Variants in PAK1 observed in about 807,000 individuals in gnomAD.
PAK1 encodes p21 (RAC1) activated kinase 1, also known as serine/threonine-protein kinase PAK 1.
A neutral mutation model predicts 67.4 loss-of-function variants in PAK1; 29 were observed. That is an observed-to-expected ratio of 0.43 (90% confidence interval 0.32 to 0.59). The LOEUF is 0.59. PAK1 is among the 20% of genes least tolerant of loss of function. The pLI is 0.07. For synonymous variants in PAK1, 223 were observed against 237.4 expected, an observed-to-expected ratio of 0.94 and a Z score of 0.56; for missense variants, 337 against 670.7, an observed-to-expected ratio of 0.50 and a Z score of 5.50.
At chr11:77,456,202 G>C (rs965717250) in intron 1 of PAK1, among the ~76,000 whole-genome samples, 1 of 152,110 alleles carries the variant, frequency 6.6e-6, no homozygotes, top group East Asian at 1.9e-4. Context: ...CATACTAGAA[G>C]CTATAGGGAG....
At chr11:77,451,224 G>GA (rs1956838082) in intron 1 of PAK1, among the ~76,000 whole-genome samples, 1 of 152,174 alleles carries the variant, frequency 6.6e-6, no homozygotes, top group Admixed American at 6.5e-5. Flanking sequence ...GCAGACGCAA[G>GA]AAAGTATTCT....
the PAK1 span, among the ~76,000 whole-genome samples, chr11:77,493,161 G>A: frequency 2.6e-5 from 4 of 151,804 alleles, no homozygotes; most frequent in Non-Finnish European, 1.5e-5. Flanking sequence ...ATGGTGTCTC[G>A]CTCTGTTGCC....
At chr11:77,529,255 G>A in the PAK1 span, among the ~76,000 whole-genome samples, 2 of 152,034 alleles carry the variant, frequency 1.3e-5, no homozygotes, top group South Asian at 2.1e-4. Flanking sequence ...ACCTCATAAG[G>A]CCCATTTAGA....
At chr11:77,331,830 AAAATAAAACAT>A (rs1473618438) in intron 14 of PAK1, among the ~76,000 whole-genome samples, 3 of 151,166 alleles carry the variant, frequency 2.0e-5, no homozygotes, top group African/African-American at 7.4e-5. Context: ...AAAAGAAAGA[AAAATAAAACAT>A]AAATAAAATA....
At chr11:77,456,025 CA>C (rs1170563668) in intron 1 of PAK1, 1 of 152,094 alleles carries the variant, frequency 6.6e-6, no homozygotes, top group African/African-American at 2.4e-5. Flanking sequence ...CTCTTGCCAC[CA>C]AAGACTGCAC....
intron 5 of PAK1, among the ~76,000 whole-genome samples, chr11:77,367,028 C>G (rs1851362697): frequency 6.6e-6 from 1 of 152,162 alleles, no homozygotes; most frequent in Non-Finnish European, 1.5e-5. Context: ...AAATGAAATA[C>G]ACCATACTGA....
At chr11:77,342,085 C>T (rs528612703) in intron 10 of PAK1, among the ~76,000 whole-genome samples, 6 of 152,284 alleles carry the variant, frequency 3.9e-5, no homozygotes, top group African/African-American at 1.2e-4. Flanking sequence ...AAGGTGATTA[C>T]ATCATGAGGG....
intron 5 of PAK1, among the ~76,000 whole-genome samples, chr11:77,366,780 A>G (rs1947643674): frequency 6.6e-6 from 1 of 152,212 alleles, no homozygotes; most frequent in Non-Finnish European, 1.5e-5. Context: ...ACTGTGGAAA[A>G]AAGTCTGGCA....
At chr11:77,336,584 C>T (rs1431384925) in intron 12 of PAK1, among the ~76,000 whole-genome samples, 1 of 152,154 alleles carries the variant, frequency 6.6e-6, no homozygotes, top group Non-Finnish European at 1.5e-5. Flanking sequence ...ATTGCTCATC[C>T]CAATTCTGCT....
intron 2 of PAK1, among the ~76,000 whole-genome samples, chr11:77,389,918 T>C (rs567863120): frequency 6.6e-6 from 1 of 152,350 alleles, no homozygotes; most frequent in South Asian, 2.1e-4. Flanking sequence ...AAGAACAATT[T>C]AAACTTTTTA....
chr11:77,404,879 G>A (rs531528544), intron 1 of PAK1, among the ~76,000 whole-genome samples: 61 of 152,312 alleles, frequency 4.0e-4, no homozygotes, highest in Admixed American at 6.5e-4. Context: ...TTGAATAAGA[G>A]AAAGGCCTTG....
At chr11:77,365,857 A>T (rs1025601285) in intron 5 of PAK1, among the ~76,000 whole-genome samples, 6 of 152,130 alleles carry the variant, frequency 3.9e-5, no homozygotes, top group Admixed American at 3.9e-4. Context: ...AAAAAAAAAA[A>T]AATAACACCT....
rs1457295982 is a variant in PAK1, at chr11:77,473,664, TC to T, written c.-135del. 1 of 143,124 alleles carries T rather than the reference TC, an allele frequency of 7.0e-6. No individual in the cohort carries two copies. The highest frequency in any genetic ancestry group is 1.5e-5 in the Non-Finnish European group (1 of 66,166). The allele number at this position is 143,124 out of a possible 1,614,324, so 8.9% of individuals were successfully genotyped here. A position where few individuals can be genotyped will look rare whatever the true frequency, so the allele number is the denominator to read the frequency against. ...GCGAGCTACCGCTTCACTTTCTCCC[TC>T]CTGCCGCCGCCGCCGCGCTGCCCGT... On this transcript the variant is annotated 5_prime_UTR_variant, in exon 1 of 15. Transcript: ENST00000356341.
the PAK1 span, among the ~76,000 whole-genome samples, chr11:77,498,936 T>A: frequency 7.9e-5 from 12 of 152,022 alleles, no homozygotes; most frequent in African/African-American, 1.2e-4. Context: ...CCTGACCTTG[T>A]GATCCACCCG....
the PAK1 span, among the ~76,000 whole-genome samples, chr11:77,498,555 T>C: frequency 2.0e-5 from 3 of 152,156 alleles, no homozygotes; most frequent in East Asian, 5.8e-4. Context: ...CTTACATTCA[T>C]TTTTTATCTA....
At chr11:77,456,036 C>A (rs570333300) in intron 1 of PAK1, 1 of 152,238 alleles carries the variant, frequency 6.6e-6, no homozygotes, top group Admixed American at 6.5e-5. Flanking sequence ...AAAGACTGCA[C>A]CTGCACCTAC....
At chr11:77,459,679 CTCT>C (rs202235813) in intron 1 of PAK1, among the ~76,000 whole-genome samples, 21 of 142,838 alleles carry the variant, frequency 1.5e-4, no homozygotes, top group East Asian at 7.8e-4. Flanking sequence ...AACAGAGGGG[CTCT>C]TCTTCTTCTT....
intron 10 of PAK1, among the ~76,000 whole-genome samples, chr11:77,343,032 T>G (rs1331223612): frequency 6.6e-6 from 1 of 152,100 alleles, no homozygotes; most frequent in Non-Finnish European, 1.5e-5. Flanking sequence ...TCTATAAACC[T>G]CAGTTTCCTT....
chr11:77,447,082 A>G (rs1272151566), intron 1 of PAK1, among the ~76,000 whole-genome samples: 1 of 152,192 alleles, frequency 6.6e-6, no homozygotes, highest in African/African-American at 2.4e-5. Context: ...CAGAGATAAG[A>G]AGAGCTAGAT....
Sources: allele counts gnomAD v4.1 joint callset (sites outside exome capture counted in the v4.1 genomes callset), GRCh38; gene constraint gnomAD v4.1.1; transcripts MANE v1.5; gene names NCBI Gene and HGNC (gene_info 2026-07-23, HGNC 2026-07-21).